MEIS3: variants seen among roughly 807,000 people sequenced by gnomAD.
MEIS3 encodes Meis homeobox 3.
MEIS3 carries 38 observed loss-of-function variants against 51.4 expected under a neutral mutation model. The observed-to-expected ratio is 0.74, with a 90% CI of 0.57 to 0.97. The LOEUF (loss-of-function observed/expected upper bound fraction) is 0.97, where lower values mean the gene tolerates loss of function less well. Ranked by LOEUF, MEIS3 falls within the 50% of genes least tolerant of loss-of-function variation. The pLI is 0.00. For missense variants in MEIS3, 456 were observed against 502.6 expected (o/e 0.91, Z 0.89); for synonymous variants, 198 against 201.8 (o/e 0.98, Z 0.16).
rs983987491 is a variant in MEIS3, at chr19:47,419,060, C to T, written c.12+10G>A. ...CGGCCGGGACGCGGGGTCCCCGCCC[C>T]GAGACCTACCCTCCGGGCCATGGGC... On this transcript the variant is annotated intron_variant, in intron 1 of 12. Transcript: ENST00000558555. 8.0e-7 allele frequency: 1 copy of T among 1,247,074 alleles called. No homozygotes were observed. The highest frequency in any genetic ancestry group is 1.0e-6 in the Non-Finnish European group (1 of 996,792). 77.3% of individuals were successfully genotyped at this position (1,247,074 alleles called of 1,614,324 possible).
At chr19:47,420,164 A>G (rs1231126889), upstream of MEIS3, among the ~76,000 whole-genome samples, 2 of 152,156 alleles carry the variant, frequency 1.3e-5, no homozygotes, top group Non-Finnish European at 2.9e-5. Flanking sequence ...GCCTTTCCTC[A>G]AGGCCGGCGC....
At chr19:47,407,561 G>A (rs372287487) in intron 8 of MEIS3, 133 bp from the exon 9 acceptor site, 2,011 of 1,547,308 alleles carry the variant, frequency 1.3e-3, no homozygotes, top group Non-Finnish European at 1.7e-3. Flanking sequence ...GCGCTTCTGA[G>A]CGTCTCTGCG....
chr19:47,417,667 A>T (rs1234235363), intron 1 of MEIS3: 1 of 702,846 alleles, frequency 1.4e-6, no homozygotes, highest in Non-Finnish European at 2.6e-6. Flanking sequence ...AGTGACAGAG[A>T]CAGAGAGAGA....
intron 3 of MEIS3, 47 bp from the exon 4 acceptor site, chr19:47,416,749 C>G: frequency 6.2e-7 from 1 of 1,612,166 alleles, no homozygotes; most frequent in Non-Finnish European, 8.5e-7. Flanking sequence ...CGCCTTCCAC[C>G]CACCCCTCCT....
In MEIS3 at chr19:47,415,040, G is replaced by A; in HGVS notation, c.447+11C>T. ...GGCAAGTGAGGGTGTGGGGAGGTGA[G>A]ACGCGCTCACCTTCTCCAGCTCCAG... On this transcript the variant is annotated intron_variant, in intron 5 of 12. Coordinates refer to ENST00000558555, the MANE Select transcript of MEIS3 (RefSeq NM_001301059.2). The A allele has an allele frequency of 3.9e-6, 6 of 1,555,398 alleles. No individual in the cohort carries two copies. Among genetic ancestry groups the A allele is most frequent in the Non-Finnish European group, 5.2e-6 (6 of 1,150,622 alleles).
At chr19:47,420,908 T>TCACACACA (rs1214820030), upstream of MEIS3, among the ~76,000 whole-genome samples, 2 of 95,902 alleles carry the variant, frequency 2.1e-5, no homozygotes, top group Non-Finnish European at 4.4e-5. Context: ...TCTCTCTCTC[T>TCACACACA]CTCACACACA....
intron 1 of MEIS3, chr19:47,417,676 G>A: frequency 1.4e-6 from 1 of 702,766 alleles, no homozygotes; most frequent in Non-Finnish European, 2.6e-6. Flanking sequence ...GACAGAGAGA[G>A]AGACAGACAG....
At chr19:47,417,692 G>C (rs771159980) in intron 1 of MEIS3, 2 of 702,250 alleles carry the variant, frequency 2.8e-6, no homozygotes, top group South Asian at 3.0e-5. Flanking sequence ...GACAGAGAGG[G>C]AGATCCATGG....
Position 47,409,084 on chromosome 19 carries a change from C to A in MEIS3, c.858+15G>T. On this transcript the variant is annotated intron_variant, in intron 8 of 12. Transcript: ENST00000558555. ...TCTCCATTCCCACCCTGCACCTGGG[C>A]AGCAGGGCTCTCACCGAGAGGTGCT... The A allele has an allele frequency of 6.2e-7, 1 of 1,606,040 alleles. No individual in the cohort carries two copies.
intron 12 of MEIS3, chr19:47,405,928 T>TGGTG (rs1970793833): frequency 6.7e-6 from 1 of 149,678 alleles, no homozygotes; most frequent in Non-Finnish European, 1.5e-5. Context: ...GGATAGTGGG[T>TGGTG]GGTGGGTGGG....
rs777948089 is a variant in MEIS3, at chr19:47,407,318, C to G, written c.935+34G>C. The G allele has an allele frequency of 2.7e-5, 43 of 1,601,612 alleles. No individual in the cohort carries two copies. The South Asian group carries it at 4.7e-4, about 17-fold the overall frequency. On this transcript the variant is annotated intron_variant, in intron 9 of 12. Transcript: ENST00000558555. Reference sequence around the variant, plus strand: ...GCGGACAGCGCCCGGGCTCTCGCCCCGGGCCGGCCCGCGGGCCCTCCTGGG... The same window carrying G: ...GCGGACAGCGCCCGGGCTCTCGCCCGGGGCCGGCCCGCGGGCCCTCCTGGG...
chr19:47,407,328 C>A (rs761133903), intron 9 of MEIS3, 24 bp downstream of exon 9: 3 of 1,605,354 alleles, frequency 1.9e-6, no homozygotes, highest in South Asian at 1.1e-5. Flanking sequence ...CGGGCCGGCC[C>A]GCGGGCCCTC....
chr19:47,411,026 T>A (rs192607823), intron 6 of MEIS3, among the ~76,000 whole-genome samples: 2 of 152,240 alleles, frequency 1.3e-5, no homozygotes, highest in African/African-American at 4.8e-5. Context: ...AGCCTCTGCC[T>A]CCCAGGTTCA....
At chr19:47,413,225 C>T (rs1971224433) in intron 6 of MEIS3, among the ~76,000 whole-genome samples, 2 of 151,680 alleles carry the variant, frequency 1.3e-5, no homozygotes, top group African/African-American at 4.8e-5. Flanking sequence ...GGTGAAACCC[C>T]GTCTCTACTG....
intron 11 of MEIS3, 143 bp downstream of exon 11, chr19:47,406,745 A>G (rs1248671923): frequency 1.1e-6 from 1 of 882,834 alleles, no homozygotes; most frequent in African/African-American, 1.7e-5. Flanking sequence ...GGGGACCAGG[A>G]AATCTGCCTT....
At chr19:47,413,976 C>A (rs1971266921) in intron 6 of MEIS3, among the ~76,000 whole-genome samples, 1 of 151,728 alleles carries the variant, frequency 6.6e-6, no homozygotes, top group African/African-American at 2.4e-5. Flanking sequence ...ACCTCATGAT[C>A]CACCCACCTC....
upstream of MEIS3, among the ~76,000 whole-genome samples, chr19:47,421,908 C>A (rs1046091433): frequency 1.3e-5 from 2 of 151,812 alleles, no homozygotes; most frequent in Non-Finnish European, 2.9e-5. Context: ...CTGTCCCCCC[C>A]ACCGTATCCT....
intron 8 of MEIS3, among the ~76,000 whole-genome samples, chr19:47,408,419 GC>G (rs1214985247): frequency 1.3e-5 from 2 of 152,040 alleles, no homozygotes; most frequent in Non-Finnish European, 2.9e-5. Flanking sequence ...ACTGTGTCTG[GC>G]CCTCCATTTC....
chr19:47,415,141 T>C (rs1193039560), intron 4 of MEIS3, 40 bp from the exon 5 acceptor site: 2 of 849,166 alleles, frequency 2.4e-6, no homozygotes, highest in Non-Finnish European at 3.3e-6. Flanking sequence ...ACAGAGGGAA[T>C]TGGGGGAGGG....
Sources: allele counts gnomAD v4.1 joint callset (sites outside exome capture counted in the v4.1 genomes callset), GRCh38; gene constraint gnomAD v4.1.1; transcripts MANE v1.5; gene names NCBI Gene and HGNC (gene_info 2026-07-23, HGNC 2026-07-21).